Variants in VPS13A observed in about 807,000 individuals in gnomAD.
The protein encoded by VPS13A is intermembrane lipid transfer protein VPS13A.
VPS13A carries 264 observed loss-of-function variants against 390.9 expected under a neutral mutation model. That is an observed-to-expected ratio of 0.68 (90% CI 0.61 to 0.75). The LOEUF (loss-of-function observed/expected upper bound fraction) is 0.75. VPS13A is among the 30% of genes least tolerant of loss of function. VPS13A has a pLI of 0.00. For synonymous variants in VPS13A, 1,231 were observed against 1,227.1 expected, an observed-to-expected ratio of 1.00 and a Z score of -0.07; for missense variants, 3,409 against 3,733.9, an observed-to-expected ratio of 0.91 and a Z score of 2.27.
At chr9:77,214,753 G>A (rs189520862) in intron 10 of VPS13A, among the ~76,000 whole-genome samples, 2 of 152,192 alleles carry the variant, frequency 1.3e-5, no homozygotes, top group East Asian at 1.9e-4. Flanking sequence ...GTAAGATCAC[G>A]CTGCATTTAA....
chr9:77,222,644 T>G (rs1823285826), intron 13 of VPS13A, among the ~76,000 whole-genome samples: 1 of 152,154 alleles, frequency 6.6e-6, no homozygotes, highest in South Asian at 2.1e-4. Context: ...ATGTGTCACA[T>G]TTTGGTAATT....
At chr9:77,300,247 T>C (rs1330894843) in intron 33 of VPS13A, among the ~76,000 whole-genome samples, 1 of 151,924 alleles carries the variant, frequency 6.6e-6, no homozygotes, top group African/African-American at 2.4e-5. Context: ...GATTCTAATA[T>C]ATATACAGTT....
At chr9:77,313,907 A>G in intron 35 of VPS13A, 85 bp from the exon 36 acceptor site, 2 of 1,354,176 alleles carry the variant, frequency 1.5e-6, no homozygotes, top group Non-Finnish European at 2.0e-6. Flanking sequence ...CTGTTTAATA[A>G]TTCTATTAAA....
chr9:77,385,815 C>T (rs1444750661), intron 68 of VPS13A, among the ~76,000 whole-genome samples: 2 of 151,956 alleles, frequency 1.3e-5, no homozygotes, highest in African/African-American at 4.8e-5. Context: ...TTCTGAGTCT[C>T]CTCTAATTCT....
intron 1 of VPS13A, among the ~76,000 whole-genome samples, chr9:77,181,462 G>A (rs1419492311): frequency 6.8e-6 from 1 of 147,464 alleles, no homozygotes; most frequent in Middle Eastern, 3.4e-3. Flanking sequence ...GTTGCAGTGA[G>A]CTGAGATCAC....
intron 68 of VPS13A, among the ~76,000 whole-genome samples, chr9:77,394,293 T>C (rs926770534): frequency 6.6e-6 from 1 of 151,946 alleles, no homozygotes; most frequent in African/African-American, 2.4e-5. Flanking sequence ...TCTTGAACTC[T>C]TGTGCTCAAG....
chr9:77,306,401 A>AGAGAGAGAGTGTGTGTGTGT (rs550279922), intron 34 of VPS13A, among the ~76,000 whole-genome samples: 2 of 107,696 alleles, frequency 1.9e-5, no homozygotes, highest in African/African-American at 7.0e-5. Flanking sequence ...AGAGAGAGAG[A>AGAGAGAGAGTGTGTGTGTGT]GTGTGTGTGT....
At position 77,316,260 on chromosome 9, in the gene VPS13A, G is replaced by A. The variant is rs1403938406; in HGVS notation, c.4717G>A (p.Asp1573Asn). 2 of 1,613,190 alleles carry A rather than the reference G, an allele frequency of 1.2e-6. No homozygotes were observed. Among genetic ancestry groups the A allele is most frequent in the Non-Finnish European group, 1.7e-6 (2 of 1,179,402 alleles). The change falls in exon 39 of 72, where the codon GAT becomes AAT. Residue 1573 changes from aspartate (D) to asparagine (N), a missense_variant. This residue lies in a region of VPS13A where 2,717 missense variants were observed against 2,917.4 expected (regional missense o/e 0.93). Coordinates refer to ENST00000360280, the MANE Select transcript of VPS13A (RefSeq NM_033305.3). The part of the protein sequence containing the change: ...IVFVADMTKN[D>N]APALVITTQC... ...GTTTGTAGCTGACATGACAAAAAAT[G>A]ATGCTCCTGCTTTAGTCATTACAAC...
intron 1 of VPS13A, among the ~76,000 whole-genome samples, chr9:77,185,147 CTTT>C (rs936326410): frequency 6.9e-6 from 1 of 144,786 alleles, no homozygotes. Flanking sequence ...GACATTATCT[CTTT>C]TTTTTTTTTT....
chr9:77,352,757 C>T (rs1025490115), intron 53 of VPS13A, among the ~76,000 whole-genome samples: 4 of 152,014 alleles, frequency 2.6e-5, no homozygotes, highest in African/African-American at 9.7e-5. Context: ...TTTATGGTAA[C>T]AACTCACAGT....
rs11145322 is a variant in VPS13A at position 77,181,905 on chromosome 9, G to A, written c.100+4101G>A. ...CTGCTAGAAGACTCTGTCTTACAGG[G>A]GATGAAAAAGGAATTGAGCTTCATT... On this transcript the variant is annotated intron_variant, in intron 1 of 71. Transcript: ENST00000360280. 3.9e-3 allele frequency among the ~76,000 whole-genome samples: 596 copies of A among 152,246 alleles called. 3 individuals are homozygous for A. The highest frequency in any genetic ancestry group is 6.8e-3 in the Non-Finnish European group (460 of 68,008).
At chr9:77,377,211 T>TGTTTTG (rs1833136285) in intron 67 of VPS13A, among the ~76,000 whole-genome samples, 1 of 111,916 alleles carries the variant, frequency 8.9e-6, no homozygotes, top group Non-Finnish European at 1.9e-5. Flanking sequence ...CTGTTTTTTT[T>TGTTTTG]TTTTTTTTTT....
intron 50 of VPS13A, among the ~76,000 whole-genome samples, chr9:77,342,025 G>A (rs1307348142): frequency 6.6e-6 from 1 of 152,056 alleles, no homozygotes; most frequent in Non-Finnish European, 1.5e-5. Flanking sequence ...GGGACATTGA[G>A]AGTTCAAGAG....
At position 77,315,308 on chromosome 9, in the gene VPS13A, A is replaced by G; in HGVS notation, c.4468A>G (p.Arg1490Gly). The G allele has an allele frequency of 6.2e-7, 1 of 1,614,014 alleles. No homozygotes were observed. Among genetic ancestry groups the G allele is most frequent in the Non-Finnish European group, 8.5e-7 (1 of 1,179,854 alleles). Residue 1490 changes from arginine (R) to glycine (G), a missense_variant, in exon 38 of 72, where the codon AGG becomes GGG. This residue lies in a region of VPS13A where 2,717 missense variants were observed against 2,917.4 expected (regional missense o/e 0.93). Transcript: ENST00000360280. Reference protein sequence around the residue: ...DKKDMMDIKYRKVRDGCVTDA... With the variant: ...DKKDMMDIKYGKVRDGCVTDA... ...AAAAGACATGATGGATATAAAGTAC[A>G]GGAAAGTCAGAGATGGTTGTGTGAC...
chr9:77,337,418 A>G lies in VPS13A; in HGVS notation c.6259A>G (p.Asn2087Asp). 1 of 1,613,096 alleles carries G rather than the reference A, an allele frequency of 6.2e-7. No individual in the cohort carries two copies. The highest frequency in any genetic ancestry group is 8.5e-7 in the Non-Finnish European group (1 of 1,179,240). ...CATTAATATTGTTCCAGAAAAAGAT[A>G]ATTTAACATCTCTATCAGTGTATTC... ...FLINIVPEKD[N>D]LTSLSVYSED... Residue 2087 changes from asparagine (N) to aspartate (D), a missense_variant, in exon 47 of 72, where the codon AAT (asparagine) becomes GAT (aspartate). Asn to Asp is a conservative substitution (Grantham distance 23). Coordinates refer to ENST00000360280, the MANE Select transcript of VPS13A (RefSeq NM_033305.3).
intron 19 of VPS13A, among the ~76,000 whole-genome samples, chr9:77,239,127 A>T (rs1824318037): frequency 6.6e-6 from 1 of 151,980 alleles, no homozygotes; most frequent in Admixed American, 6.6e-5. Context: ...TACATGAAAA[A>T]TGCCTCATTA....
At position 77,282,203 on chromosome 9, in the gene VPS13A, A is replaced by C; in HGVS notation, c.3047A>C (p.Gln1016Pro). The change falls in exon 29 of 72, where the codon CAA becomes CCA. Residue 1016 changes from glutamine (Q) to proline (P), a missense_variant. Physicochemically the swap from Gln to Pro is moderately conservative, Grantham distance 76. Transcript: ENST00000360280. ...AATTATCTTCATAATATCCTTCCGC[A>C]ATCAGAGGAAAAATCAGCCCCAGTG... ...TINYLHNILP[Q>P]SEEKSAPVST... 6.2e-7 allele frequency: 1 copy of C among 1,613,632 alleles called. No individual in the cohort carries two copies. Among genetic ancestry groups the C allele is most frequent in the Non-Finnish European group, 8.5e-7 (1 of 1,179,714 alleles).
At position 77,308,054 on chromosome 9, in the gene VPS13A, G is replaced by A; in HGVS notation, c.4070G>A (p.Ser1357Asn). Residue 1357 changes from serine to asparagine, a missense_variant, in exon 35 of 72, where the codon AGT becomes AAT. Ser to Asn is a conservative substitution (Grantham distance 46). Around this residue, in one of 5 missense-constraint regions of VPS13A, gnomAD observed 2,717 missense variants for 2,917.4 expected, o/e 0.93. Transcript: ENST00000360280. ...CCTGCTGTAACAAAAGACCAATACAGTGCCACTAGTGGAGTTACTACTAAT... is the reference window on the plus strand; with the variant it reads ...CCTGCTGTAACAAAAGACCAATACAATGCCACTAGTGGAGTTACTACTAAT... ...ASPAVTKDQY[S>N]ATSGVTTNAS... 1.2e-6 allele frequency: 2 copies of A among 1,613,902 alleles called. No homozygotes were observed. Among genetic ancestry groups the A allele is most frequent in the Non-Finnish European group, 1.7e-6 (2 of 1,179,924 alleles).
chr9:77,416,277 A>G lies in VPS13A; in HGVS notation c.*271A>G. The G allele has an allele frequency of 2.8e-6, 1 of 361,190 alleles. No individual in the cohort carries two copies. Among genetic ancestry groups the G allele is most frequent in the Non-Finnish European group, 5.2e-6 (1 of 193,164 alleles). The allele number at this position is 361,190 out of a possible 1,614,324, so 22.4% of individuals were successfully genotyped here. On this transcript the variant is annotated 3_prime_UTR_variant, in exon 72 of 72. Transcript: ENST00000360280. ...CTATTTATAATTCTAATTATTTTGT[A>G]AAAGAAGACAAAATTATGAATCTTA...
Sources: gnomAD v4.1 joint callset for allele counts (sites outside exome capture counted in the v4.1 genomes callset) on GRCh38, gnomAD v4.1.1 for gene constraint, gnomAD v4.1.1 regional missense constraint, MANE v1.5 for transcripts, NCBI Gene and HGNC (gene_info 2026-07-23, HGNC 2026-07-21) for gene names.